Variants in MPP7 observed in about 807,000 individuals in gnomAD.
MPP7 encodes MAGUK p55 subfamily member 7.
A neutral mutation model predicts 76.5 loss-of-function variants in MPP7; 60 were observed. The observed-to-expected ratio is 0.78, with a 90% CI of 0.64 to 0.97. MPP7 has a LOEUF of 0.97. MPP7 is among the 50% of genes least tolerant of loss of function. The pLI is 0.00. For synonymous variants in MPP7, 237 were observed against 244.5 expected (o/e 0.97, Z 0.29); for missense variants, 641 against 694.0 (o/e 0.92, Z 0.86).
At chr10:28,108,938 T>C (rs1367447528) in intron 11 of MPP7, among the ~76,000 whole-genome samples, 2 of 152,046 alleles carry the variant, frequency 1.3e-5, no homozygotes, top group Non-Finnish European at 2.9e-5. Context: ...TTTGGGGCTG[T>C]TCAGTCAATG....
chr10:28,116,369 T>C (rs757092530), intron 11 of MPP7, among the ~76,000 whole-genome samples: 1 of 152,152 alleles, frequency 6.6e-6, no homozygotes, highest in Non-Finnish European at 1.5e-5. Context: ...TTAAATTATA[T>C]TGACACAAGA....
chr10:28,195,625 G>C (rs1262861423), intron 3 of MPP7, among the ~76,000 whole-genome samples: 1 of 152,172 alleles, frequency 6.6e-6, no homozygotes, highest in African/African-American at 2.4e-5. Context: ...AGTGACAGAA[G>C]TCAGTTACAA....
intron 11 of MPP7, among the ~76,000 whole-genome samples, chr10:28,107,410 C>G (rs1427388251): frequency 6.6e-6 from 1 of 151,958 alleles, no homozygotes; most frequent in African/African-American, 2.4e-5. Context: ...GAATATAGGC[C>G]CTTAAAGTTA....
intron 8 of MPP7, among the ~76,000 whole-genome samples, chr10:28,122,093 C>T (rs1485231635): frequency 2.6e-5 from 4 of 152,090 alleles, no homozygotes; most frequent in South Asian, 2.1e-4. Context: ...TTGTAGAAGG[C>T]GCTCACAAAT....
chr10:28,054,089 C>T lies in MPP7; in HGVS notation c.1707G>A (p.Val569=), dbSNP rs774697542. The T allele has an allele frequency of 1.2e-6, 2 of 1,613,674 alleles. No individual in the cohort carries two copies. Among genetic ancestry groups the T allele is most frequent in the Non-Finnish European group, 8.5e-7 (1 of 1,179,840 alleles). ...FDKLETETHW[V]PVSWLHS is the part of the protein sequence containing the mutation. ...GTTATGAATGTAACCAGCTCACTGG[C>T]ACCCAATGGGTCTCTGTCTCTAATT... The change falls in exon 17 of 17, where the codon GTG becomes GTA. Residue 569 remains valine (V), a synonymous_variant. Coordinates refer to ENST00000683449, the MANE Select transcript of MPP7 (RefSeq NM_001318170.2).
chr10:28,284,114 C>G (rs1268390089), intron 1 of MPP7, among the ~76,000 whole-genome samples: 1 of 152,040 alleles, frequency 6.6e-6, no homozygotes, highest in African/African-American at 2.4e-5. Flanking sequence ...CTGAACAGAT[C>G]TTGGTGGTGA....
At chr10:28,254,655 A>T (rs536488549) in intron 1 of MPP7, 2 of 152,358 alleles carry the variant, frequency 1.3e-5, no homozygotes, top group African/African-American at 4.8e-5. Flanking sequence ...ACCACAATAT[A>T]GATTTATCTC....
At chr10:28,204,643 T>A (rs1002490146) in intron 2 of MPP7, among the ~76,000 whole-genome samples, 1 of 152,130 alleles carries the variant, frequency 6.6e-6, no homozygotes, top group African/African-American at 2.4e-5. Context: ...GATCATAACA[T>A]CAATCTACAA....
At chr10:28,090,562 C>G (rs1350427318) in intron 11 of MPP7, among the ~76,000 whole-genome samples, 2 of 152,206 alleles carry the variant, frequency 1.3e-5, no homozygotes, top group Non-Finnish European at 2.9e-5. Context: ...CATTCATGAA[C>G]ATGAACAAAG....
At chr10:28,191,900 G>A (rs1289609028) in intron 3 of MPP7, among the ~76,000 whole-genome samples, 11 of 152,102 alleles carry the variant, frequency 7.2e-5, no homozygotes, top group Admixed American at 5.2e-4. Flanking sequence ...AAGGCAGGTG[G>A]ATCACTTGAG....
At chr10:28,178,286 A>C (rs1564680230) in intron 3 of MPP7, among the ~76,000 whole-genome samples, 1 of 152,068 alleles carries the variant, frequency 6.6e-6, no homozygotes, top group Non-Finnish European at 1.5e-5. Context: ...ACTCAGTCGA[A>C]AACCACTGTT....
intron 1 of MPP7, among the ~76,000 whole-genome samples, chr10:28,254,591 A>G (rs1839725712): frequency 6.6e-6 from 1 of 152,244 alleles, no homozygotes; most frequent in African/African-American, 2.4e-5. Flanking sequence ...ATAATTACTT[A>G]AAACCTATCC....
chr10:28,060,534 T>A (rs1291276221), intron 13 of MPP7, among the ~76,000 whole-genome samples: 1 of 151,966 alleles, frequency 6.6e-6, no homozygotes, highest in African/African-American at 2.4e-5. Context: ...TAGAGGGGAG[T>A]CAAACTGCAC....
chr10:28,183,530 T>A (rs1368228060), intron 3 of MPP7, among the ~76,000 whole-genome samples: 1 of 152,208 alleles, frequency 6.6e-6, no homozygotes, highest in African/African-American at 2.4e-5. Context: ...GGCTCATGGC[T>A]GTAATCCCAA....
intron 1 of MPP7, among the ~76,000 whole-genome samples, chr10:28,273,789 TC>T (rs1840402468): frequency 6.6e-6 from 1 of 152,214 alleles, no homozygotes; most frequent in African/African-American, 2.4e-5. Flanking sequence ...TTTATTCTTA[TC>T]CCTGTATAAA....
chr10:28,118,690 A>G (rs556087441), intron 11 of MPP7: 7 of 985,400 alleles, frequency 7.1e-6, no homozygotes, highest in African/African-American at 7.0e-5. Context: ...TGTAGCAAGG[A>G]CAAGCAGGCT....
chr10:28,117,884 A>C (rs1381309626), intron 11 of MPP7, among the ~76,000 whole-genome samples: 1 of 152,112 alleles, frequency 6.6e-6, no homozygotes, highest in Non-Finnish European at 1.5e-5. Flanking sequence ...ATATAAAAAC[A>C]AACAATGCAT....
At position 28,053,308 on chromosome 10, in the gene MPP7, A is replaced by T. The variant is rs570071754; in HGVS notation, c.*757T>A. 1 of 152,274 alleles carries T rather than the reference A, an allele frequency of 6.6e-6. No individual in the cohort carries two copies. Among genetic ancestry groups the T allele is most frequent in the South Asian group, 2.1e-4 (1 of 4,818 alleles). The allele number at this position is 152,274 out of a possible 1,614,324, so 9.4% of individuals were successfully genotyped here. The stretch of plus-strand genomic sequence containing the variant: ...ACAAATAAAAATATCCTTTGTAATC[A>T]TTTCTTGCCACAAGGCTACCATTCT... On this transcript the variant is annotated 3_prime_UTR_variant, in exon 17 of 17. Coordinates refer to ENST00000683449, the MANE Select transcript of MPP7 (RefSeq NM_001318170.2).
intron 1 of MPP7, among the ~76,000 whole-genome samples, chr10:28,246,007 T>C (rs1839422730): frequency 6.6e-6 from 1 of 151,562 alleles, no homozygotes; most frequent in African/African-American, 2.4e-5. Context: ...ATCAAGCAGA[T>C]GAATATACGC....
Sources: gnomAD v4.1 joint callset for allele counts (sites outside exome capture counted in the v4.1 genomes callset) on GRCh38, gnomAD v4.1.1 for gene constraint, MANE v1.5 for transcripts, NCBI Gene and HGNC (gene_info 2026-07-23, HGNC 2026-07-21) for gene names.